Variants in ANKRD44 observed in about 807,000 individuals in gnomAD.
The protein encoded by ANKRD44 is ankyrin repeat domain 44.
ANKRD44 carries 35 observed loss-of-function variants against 116.0 expected under a neutral mutation model. The observed-to-expected ratio is 0.30, with a 90% CI of 0.23 to 0.40. The LOEUF is 0.40. ANKRD44 is among the 10% of genes least tolerant of loss of function. The probability of loss-of-function intolerance (pLI) is 1.00; values close to 1 mark genes in which losing one functional copy is unlikely to be tolerated. For missense variants in ANKRD44, 1,014 were observed against 1,242.6 expected, an observed-to-expected ratio of 0.82 and a Z score of 2.77; for synonymous variants, 435 against 461.8, an observed-to-expected ratio of 0.94 and a Z score of 0.74.
At chr2:196,967,912 A>ACTCTCT (rs35734167) in intron 21 of ANKRD44, among the ~76,000 whole-genome samples, 1,614 of 140,830 alleles carry the variant, frequency 0.011, 26 homozygotes, top group Admixed American at 0.041. Context: ...ATGGCTTGGC[A>ACTCTCT]CTCTCTCTCT....
rs889008746 is a variant in ANKRD44, at chr2:197,116,045, A to G, written c.907-5201T>C. On this transcript the variant is annotated intron_variant, in intron 8 of 27. Coordinates refer to ENST00000282272, the MANE Select transcript of ANKRD44 (RefSeq NM_001195144.2). ...TCAGCAGTCCACAGGAAAAAAATAA[A>G]TATTAAAATTAAGGAATTATGCTTT... Among the ~76,000 whole-genome samples, 6 of 152,338 alleles carry G rather than the reference A, an allele frequency of 3.9e-5. No individual in the cohort carries two copies. The East Asian group carries it at 1.2e-3, about 29-fold the overall frequency.
At chr2:197,026,280 T>C (rs1574302323) in intron 16 of ANKRD44, among the ~76,000 whole-genome samples, 1 of 152,196 alleles carries the variant, frequency 6.6e-6, no homozygotes, top group African/African-American at 2.4e-5. Context: ...GGACCTACTA[T>C]AAAAGAAAGA....
intron 16 of ANKRD44, among the ~76,000 whole-genome samples, chr2:197,067,087 T>C (rs2077450332): frequency 1.3e-5 from 2 of 152,068 alleles, no homozygotes; most frequent in African/African-American, 2.4e-5. Flanking sequence ...AAAACAGAGA[T>C]ACAGACCAAT....
At chr2:197,153,489 T>C (rs1390065651) in intron 2 of ANKRD44, among the ~76,000 whole-genome samples, 1 of 151,986 alleles carries the variant, frequency 6.6e-6, no homozygotes, top group Admixed American at 6.6e-5. Flanking sequence ...TCAAATTACA[T>C]GAGGACAGGA....
chr2:197,030,915 G>T (rs2076694131), intron 16 of ANKRD44, among the ~76,000 whole-genome samples: 1 of 151,868 alleles, frequency 6.6e-6, no homozygotes, highest in Admixed American at 6.6e-5. Context: ...GGCTCAAGCA[G>T]TCCTCCTACC....
At chr2:197,308,006 C>T (rs1377911190) in intron 1 of ANKRD44, among the ~76,000 whole-genome samples, 1 of 151,982 alleles carries the variant, frequency 6.6e-6, no homozygotes, top group Admixed American at 6.6e-5. Context: ...TCTGTGTCTA[C>T]AAAAAATACA....
rs2076192838 is a variant in ANKRD44 at position 197,005,866 on chromosome 2, T to C, written c.2175A>G (p.Gln725=). 1.9e-6 allele frequency: 3 copies of C among 1,614,282 alleles called. No homozygotes were observed. Among genetic ancestry groups the C allele is most frequent in the Non-Finnish European group, 2.5e-6 (3 of 1,180,048 alleles). The change falls in exon 21 of 28, where the codon CAA becomes CAG. Residue 725 remains glutamine (Q), a synonymous_variant. Coordinates refer to ENST00000282272, the MANE Select transcript of ANKRD44 (RefSeq NM_001195144.2). ...AATCTTTACAGAGAATTGACACTTC[T>C]TGTTCCAGCAGCATTTGCACACATT... ...HEECVQMLLE[Q]EVSILCKDSR... is the part of the protein sequence containing the mutation.
intron 9 of ANKRD44, among the ~76,000 whole-genome samples, chr2:197,101,473 T>C (rs2125231450): frequency 6.6e-6 from 1 of 152,302 alleles, no homozygotes. Flanking sequence ...AACTTTCAGT[T>C]TGGGAAAAGA....
chr2:197,230,340 T>A (rs2081829142), intron 1 of ANKRD44, among the ~76,000 whole-genome samples: 2 of 152,232 alleles, frequency 1.3e-5, no homozygotes, highest in Middle Eastern at 6.8e-3. Context: ...GGAATCATTT[T>A]CTGCTTGGGT....
Position 197,304,904 on chromosome 2 carries a change from G to A in ANKRD44, c.27+5674C>T, listed in dbSNP as rs181154876. ...CAATCTTTGTAATACCTGCACCACT[G>A]TAGACCTGACTCAAAAGAGACAGAG... On this transcript the variant is annotated intron_variant, in intron 1 of 27. Transcript: ENST00000282272. 8.0e-4 allele frequency among the ~76,000 whole-genome samples: 122 copies of A among 152,270 alleles called. 2 individuals are homozygous for A. The highest frequency in any genetic ancestry group is 7.6e-3 in the Admixed American group (116 of 15,304).
chr2:197,033,777 G>A (rs1289659692), intron 16 of ANKRD44, among the ~76,000 whole-genome samples: 1 of 150,994 alleles, frequency 6.6e-6, no homozygotes, highest in East Asian at 2.0e-4. Flanking sequence ...TCTTAGTTAT[G>A]CAGCAATCAC....
At chr2:197,140,437 G>A (rs1434642219) in intron 3 of ANKRD44, among the ~76,000 whole-genome samples, 1 of 152,104 alleles carries the variant, frequency 6.6e-6, no homozygotes, top group African/African-American at 2.4e-5. Context: ...TCCTGCCTCA[G>A]CCTCCAGAGT....
At chr2:196,996,816 A>C (rs903665957) in intron 25 of ANKRD44, among the ~76,000 whole-genome samples, 79 of 150,398 alleles carry the variant, frequency 5.3e-4, no homozygotes, top group African/African-American at 1.9e-3. Flanking sequence ...AGGCAGGAGA[A>C]TCACTTGAAC....
At chr2:197,091,431 C>A (rs2125183000) in intron 10 of ANKRD44, among the ~76,000 whole-genome samples, 1 of 152,352 alleles carries the variant, frequency 6.6e-6, no homozygotes. Context: ...CAGTACACTG[C>A]AGCTTTGACC....
chr2:197,297,467 A>T (rs1197235347), intron 1 of ANKRD44, among the ~76,000 whole-genome samples: 3 of 152,218 alleles, frequency 2.0e-5, no homozygotes, highest in Admixed American at 2.0e-4. Flanking sequence ...AGATTCAGAG[A>T]CTATTTATTA....
chr2:197,047,567 G>C lies in ANKRD44; in HGVS notation c.1651-22300C>G, dbSNP rs1178683299. Among the ~76,000 whole-genome samples the C allele has an allele frequency of 2.0e-5, 3 of 152,130 alleles. No homozygotes were observed. In the East Asian group the frequency reaches 5.8e-4, roughly 29 times the overall value. On this transcript the variant is annotated intron_variant, in intron 16 of 27. Transcript: ENST00000282272. ...AAGAGATACTCAATATGCTTTATAG[G>C]AACTTAGAGAAAGATTTGCAGCATT... is the stretch of plus-strand genomic sequence containing the variant.
intron 1 of ANKRD44, among the ~76,000 whole-genome samples, chr2:197,205,948 T>C (rs1162882031): frequency 6.6e-6 from 1 of 151,348 alleles, no homozygotes; most frequent in African/African-American, 2.4e-5. Context: ...GAGGCTGGAG[T>C]GTGGGATGCA....
At chr2:197,299,058 A>G (rs1195308003) in intron 1 of ANKRD44, among the ~76,000 whole-genome samples, 1 of 152,162 alleles carries the variant, frequency 6.6e-6, no homozygotes, top group African/African-American at 2.4e-5. Context: ...AAATTTCCCC[A>G]ATTATCTCAA....
At chr2:197,060,913 C>T (rs945375473) in intron 16 of ANKRD44, among the ~76,000 whole-genome samples, 5 of 152,078 alleles carry the variant, frequency 3.3e-5, no homozygotes, top group Non-Finnish European at 7.4e-5. Flanking sequence ...GTGTGTGTAC[C>T]GCAGTATCCA....
Sources: allele counts gnomAD v4.1 joint callset (sites outside exome capture counted in the v4.1 genomes callset), GRCh38; gene constraint gnomAD v4.1.1; transcripts MANE v1.5; gene names NCBI Gene and HGNC (gene_info 2026-07-23, HGNC 2026-07-21).